PRKCA: variants seen among roughly 807,000 people sequenced by gnomAD.
The protein encoded by PRKCA is protein kinase C alpha type.
Under a neutral mutation model 87.0 loss-of-function variants are expected in PRKCA, and 27 were observed. The ratio of observed to expected loss-of-function variants is 0.31; its 90% CI spans 0.23 to 0.43. PRKCA has a LOEUF of 0.43. Among genes scored for constraint, PRKCA ranks in the 20% least tolerant of loss-of-function variants. The pLI is 1.00. For synonymous variants in PRKCA, 329 were observed against 311.1 expected (o/e 1.06, Z -0.61); for missense variants, 518 against 852.3 (o/e 0.61, Z 4.88).
chr17:66,657,894 A>G (rs933128117), intron 5 of PRKCA, among the ~76,000 whole-genome samples: 1 of 152,042 alleles, frequency 6.6e-6, no homozygotes, highest in Non-Finnish European at 1.5e-5. Context: ...CATGACCAAC[A>G]CTCCATAAAG....
chr17:66,309,643 G>A (rs1904994275), intron 2 of PRKCA, among the ~76,000 whole-genome samples: 1 of 152,198 alleles, frequency 6.6e-6, no homozygotes. Flanking sequence ...CAGAGATAAA[G>A]ACAAGCGTGT....
chr17:66,502,396 G>A (rs1236991096), intron 3 of PRKCA, among the ~76,000 whole-genome samples: 3 of 151,830 alleles, frequency 2.0e-5, no homozygotes, highest in Non-Finnish European at 4.4e-5. Context: ...CACCACACTC[G>A]GCTAATTTTT....
chr17:66,628,855 C>T lies in PRKCA; in HGVS notation c.289-12500C>T, dbSNP rs1391439984. On this transcript the variant is annotated intron_variant, in intron 3 of 16. Transcript: ENST00000413366. ...CCAGCCTGACCACATGGAGAAACCC[C>T]GTCTCTACTAAAAATACAAAAAAAT... 3.3e-5 allele frequency among the ~76,000 whole-genome samples: 5 copies of T among 151,996 alleles called. 1 individual carries two copies. The highest frequency in any genetic ancestry group is 1.3e-4 in the Admixed American group (2 of 15,258).
In PRKCA at chr17:66,445,684, A is replaced by C. The variant is rs1244906464; in HGVS notation, c.206-50517A>C. Among the ~76,000 whole-genome samples the C allele has an allele frequency of 2.0e-5, 3 of 152,192 alleles. No individual in the cohort carries two copies. In the East Asian group the frequency reaches 5.8e-4, roughly 29 times the overall value. ...TGTCCTGGGCTGTGAACAGTGCAGA[A>C]GTCCCTGTCTGTTCCCGTGATTTTG... On this transcript the variant is annotated intron_variant, in intron 2 of 16. Transcript: ENST00000413366.
intron 9 of PRKCA, among the ~76,000 whole-genome samples, chr17:66,734,496 A>G (rs1973977195): frequency 6.6e-6 from 1 of 152,182 alleles, no homozygotes; most frequent in Admixed American, 6.5e-5. Flanking sequence ...GTCTTTTCAC[A>G]TGCTAATAAT....
chr17:66,570,477 A>G (rs1044181051), intron 3 of PRKCA, among the ~76,000 whole-genome samples: 1 of 152,218 alleles, frequency 6.6e-6, no homozygotes, highest in Non-Finnish European at 1.5e-5. Flanking sequence ...AAATTTTTAA[A>G]AAGCAGTGCC....
intron 2 of PRKCA, among the ~76,000 whole-genome samples, chr17:66,469,446 G>A (rs988694062): frequency 8.5e-5 from 13 of 152,164 alleles, no homozygotes; most frequent in Non-Finnish European, 1.0e-4. Flanking sequence ...ACAAACACCC[G>A]TCAATCACGT....
chr17:66,612,966 C>A (rs1970410009), intron 3 of PRKCA, among the ~76,000 whole-genome samples: 1 of 152,108 alleles, frequency 6.6e-6, no homozygotes, highest in Non-Finnish European at 1.5e-5. Context: ...CATAAGTATT[C>A]TAAACTTGAT....
chr17:66,375,385 G>A (rs896881192), intron 2 of PRKCA, among the ~76,000 whole-genome samples: 4 of 152,134 alleles, frequency 2.6e-5, no homozygotes, highest in African/African-American at 9.7e-5. Flanking sequence ...GCTGGCTGAA[G>A]CCAGATACCT....
intron 2 of PRKCA, among the ~76,000 whole-genome samples, chr17:66,462,902 ACACATG>A (rs1325532976): frequency 6.6e-6 from 1 of 151,496 alleles, no homozygotes; most frequent in African/African-American, 2.4e-5. Flanking sequence ...AGACATGCAC[ACACATG>A]CACGTGCACA....
At chr17:66,331,905 T>G (rs1295619522) in intron 2 of PRKCA, among the ~76,000 whole-genome samples, 3 of 152,266 alleles carry the variant, frequency 2.0e-5, no homozygotes, top group Non-Finnish European at 4.4e-5. Flanking sequence ...AGACTTTTCC[T>G]TGATGGAAAC....
intron 2 of PRKCA, among the ~76,000 whole-genome samples, chr17:66,411,474 A>G (rs1367539974): frequency 6.6e-6 from 1 of 152,202 alleles, no homozygotes. Flanking sequence ...ACAAAAAACC[A>G]TGAAAACCCA....
intron 14 of PRKCA, 171 bp downstream of exon 14, chr17:66,774,238 C>G: frequency 2.1e-6 from 3 of 1,462,880 alleles, no homozygotes; most frequent in Non-Finnish European, 2.7e-6. Context: ...GGATCACGTT[C>G]AGTATGCACA....
intron 2 of PRKCA, among the ~76,000 whole-genome samples, chr17:66,324,685 G>T (rs1213429878): frequency 6.6e-6 from 1 of 152,122 alleles, no homozygotes; most frequent in Non-Finnish European, 1.5e-5. Context: ...GATAAAAAAA[G>T]CAGTAGACTG....
intron 3 of PRKCA, among the ~76,000 whole-genome samples, chr17:66,623,084 A>G (rs17686720): frequency 0.052 from 7,976 of 152,332 alleles, 277 homozygotes; most frequent in Admixed American, 0.076. Context: ...TTTCTTCTCT[A>G]TCTTCCACTG....
chr17:66,721,750 GC>G (rs1973622103), intron 8 of PRKCA, among the ~76,000 whole-genome samples: 1 of 152,176 alleles, frequency 6.6e-6, no homozygotes, highest in African/African-American at 2.4e-5. Flanking sequence ...CTTCATTACT[GC>G]ATCCTGTTTT....
At chr17:66,562,215 A>ATATATAAAATTAAATATATATAATTAAG (rs1968731439) in intron 3 of PRKCA, among the ~76,000 whole-genome samples, 8 of 122,766 alleles carry the variant, frequency 6.5e-5, no homozygotes, top group African/African-American at 2.7e-4. Context: ...ATATAATTAA[A>ATATATAAAATTAAATATATATAATTAAG]TTATATATAA....
At chr17:66,737,368 G>GGA (rs1568005036) in intron 10 of PRKCA, among the ~76,000 whole-genome samples, 2 of 151,570 alleles carry the variant, frequency 1.3e-5, no homozygotes, top group African/African-American at 4.8e-5. Context: ...GTCTTAAAAA[G>GGA]AAAAAAAAGA....
At chr17:66,467,403 C>T (rs1915132373) in intron 2 of PRKCA, among the ~76,000 whole-genome samples, 1 of 152,194 alleles carries the variant, frequency 6.6e-6, no homozygotes, top group Admixed American at 6.5e-5. Context: ...GTTTCCTCAT[C>T]TGTAAATGAT....
Sources: gnomAD v4.1 joint callset for allele counts (sites outside exome capture counted in the v4.1 genomes callset) on GRCh38, gnomAD v4.1.1 for gene constraint, MANE v1.5 for transcripts, NCBI Gene and HGNC (gene_info 2026-07-23, HGNC 2026-07-21) for gene names.